The following CALD1 variants were observed in gnomAD, a reference collection of about 807,000 sequenced individuals.
The protein encoded by CALD1 is caldesmon 1.
A neutral mutation model predicts 99.9 loss-of-function variants in CALD1; 33 were observed. That is an observed-to-expected ratio of 0.33 (90% confidence interval 0.25 to 0.44). The LOEUF is 0.44. Among genes scored for constraint, CALD1 ranks in the 20% least tolerant of loss-of-function variants. The probability of loss-of-function intolerance (pLI) is 1.00; values close to 1 mark genes in which losing one functional copy is unlikely to be tolerated. For synonymous variants in CALD1, 310 were observed against 325.0 expected (o/e 0.95, Z 0.50); for missense variants, 861 against 962.1 (o/e 0.89, Z 1.39).
intron 2 of CALD1, among the ~76,000 whole-genome samples, chr7:134,861,708 T>C (rs1178099203): frequency 2.6e-5 from 4 of 152,216 alleles, no homozygotes; most frequent in African/African-American, 9.6e-5. Context: ...TGTATATTGA[T>C]TGTATAAATG....
the CALD1 span, among the ~76,000 whole-genome samples, chr7:134,728,845 CTTTTTTTT>C: frequency 2.2e-4 from 27 of 124,220 alleles, no homozygotes; most frequent in East Asian, 4.5e-4. Context: ...TATACCTTTT[CTTTTTTTT>C]TTTTTTTTTT....
At chr7:134,840,559 A>G (rs901881213) in intron 1 of CALD1, among the ~76,000 whole-genome samples, 1 of 152,242 alleles carries the variant, frequency 6.6e-6, no homozygotes, top group Non-Finnish European at 1.5e-5. Flanking sequence ...ATTTAGGCAG[A>G]TACCTACGTC....
chr7:134,934,756 C>G (rs1182893560), intron 5 of CALD1, among the ~76,000 whole-genome samples: 1 of 152,086 alleles, frequency 6.6e-6, no homozygotes, highest in Non-Finnish European at 1.5e-5. Flanking sequence ...CGGCACATGT[C>G]TGTAATCCCA....
intron 3 of CALD1, among the ~76,000 whole-genome samples, chr7:134,905,616 T>C (rs1803311273): frequency 6.6e-6 from 1 of 151,492 alleles, no homozygotes; most frequent in African/African-American, 2.4e-5. Context: ...GCTGTGTTAT[T>C]ACATCAGATC....
chr7:134,940,317 G>A (rs776058212), intron 6 of CALD1, among the ~76,000 whole-genome samples: 3 of 151,986 alleles, frequency 2.0e-5, no homozygotes, highest in South Asian at 2.1e-4. Context: ...AACACAAAAC[G>A]CACAAAATAT....
intron 3 of CALD1, among the ~76,000 whole-genome samples, chr7:134,912,442 G>A (rs1324530412): frequency 6.6e-6 from 1 of 152,160 alleles, no homozygotes; most frequent in African/African-American, 2.4e-5. Flanking sequence ...CAAACCCAAG[G>A]CAACGCTGAC....
At chr7:134,792,400 C>T (rs1797574963) in intron 1 of CALD1, among the ~76,000 whole-genome samples, 1 of 151,708 alleles carries the variant, frequency 6.6e-6, no homozygotes, top group Admixed American at 6.6e-5. Flanking sequence ...AGCAATTCTC[C>T]TGCCTTGGCC....
At chr7:134,814,160 A>T (rs1798467541) in intron 1 of CALD1, among the ~76,000 whole-genome samples, 1 of 152,212 alleles carries the variant, frequency 6.6e-6, no homozygotes, top group Non-Finnish European at 1.5e-5. Context: ...GAGCAAGGAG[A>T]CAATTGCGTC....
intron 3 of CALD1, among the ~76,000 whole-genome samples, chr7:134,918,759 G>T (rs1336974030): frequency 3.3e-5 from 5 of 152,226 alleles, no homozygotes. Flanking sequence ...ACTTTGGGAG[G>T]CCAAGGCAGG....
chr7:134,758,692 T>C (rs1238273357), intron 1 of CALD1, among the ~76,000 whole-genome samples: 1 of 151,996 alleles, frequency 6.6e-6, no homozygotes, highest in Non-Finnish European at 1.5e-5. Context: ...ACAGTTTTAT[T>C]TTTTAAGTAA....
chr7:134,870,957 C>A (rs1801044322), intron 3 of CALD1, among the ~76,000 whole-genome samples: 1 of 152,098 alleles, frequency 6.6e-6, no homozygotes. Flanking sequence ...TGGGAAAGTG[C>A]AGGGTGTGTG....
chr7:134,741,666 C>T (rs1021273909), upstream of CALD1, among the ~76,000 whole-genome samples: 3 of 152,178 alleles, frequency 2.0e-5, no homozygotes, highest in Non-Finnish European at 4.4e-5. Flanking sequence ...TTTTGACACA[C>T]CTGGGCACCA....
intron 1 of CALD1, among the ~76,000 whole-genome samples, chr7:134,801,613 TTCTC>T (rs148788199): frequency 1.2e-4 from 18 of 150,644 alleles, no homozygotes; most frequent in Non-Finnish European, 2.4e-4. Flanking sequence ...TCACATTTTC[TTCTC>T]TCTCTCTCTC....
intron 3 of CALD1, among the ~76,000 whole-genome samples, chr7:134,892,824 C>G (rs1586222557): frequency 6.6e-6 from 1 of 152,218 alleles, no homozygotes; most frequent in South Asian, 2.1e-4. Flanking sequence ...CATCCTCGCT[C>G]TACTCTGCAG....
intron 1 of CALD1, among the ~76,000 whole-genome samples, chr7:134,803,503 T>A (rs773068975): frequency 1.3e-5 from 2 of 152,166 alleles, no homozygotes; most frequent in Non-Finnish European, 2.9e-5. Flanking sequence ...AACTTTTAGT[T>A]TTTGTTTTTA....
the CALD1 span, among the ~76,000 whole-genome samples, chr7:134,724,901 G>A: frequency 6.6e-6 from 1 of 152,222 alleles, no homozygotes; most frequent in Admixed American, 6.5e-5. Context: ...CACCCAGGGG[G>A]ACATCAGTGT....
chr7:134,737,509 T>C, the CALD1 span, among the ~76,000 whole-genome samples: 1 of 152,206 alleles, frequency 6.6e-6, no homozygotes, highest in Non-Finnish European at 1.5e-5. Context: ...AATCTGCCTT[T>C]TTTTGGTCAT....
intron 2 of CALD1, among the ~76,000 whole-genome samples, chr7:134,850,517 A>G (rs867475373): frequency 1.3e-5 from 2 of 152,190 alleles, no homozygotes; most frequent in Non-Finnish European, 2.9e-5. Context: ...CAAGGATTTA[A>G]ACTGATATTA....
At chr7:134,868,389 G>A (rs940320494) in intron 3 of CALD1, 1 of 152,158 alleles carries the variant, frequency 6.6e-6, no homozygotes, top group Non-Finnish European at 1.5e-5. Context: ...AGGTCAAATT[G>A]GGGAGATAAA....
Sources: allele counts gnomAD v4.1 joint callset (sites outside exome capture counted in the v4.1 genomes callset), GRCh38; gene constraint gnomAD v4.1.1; transcripts MANE v1.5; gene names NCBI Gene and HGNC (gene_info 2026-07-23, HGNC 2026-07-21).